Variants in RCAN2 observed in about 807,000 individuals in gnomAD.
RCAN2 encodes the protein regulator of calcineurin 2, also known as calcipressin-2.
RCAN2 carries 9 observed loss-of-function variants against 23.6 expected under a neutral mutation model. The observed-to-expected ratio is 0.38, with a 90% CI of 0.23 to 0.67. The LOEUF (loss-of-function observed/expected upper bound fraction) is 0.67, where lower values mean the gene tolerates loss of function less well. Among genes scored for constraint, RCAN2 ranks in the 30% least tolerant of loss-of-function variants. RCAN2 has a pLI of 0.51. For missense variants in RCAN2, 273 were observed against 302.3 expected (o/e 0.90, Z 0.72); for synonymous variants, 109 against 115.7 (o/e 0.94, Z 0.37).
At chr6:46,477,419 G>C (rs1405893913) in intron 1 of RCAN2, among the ~76,000 whole-genome samples, 2 of 152,160 alleles carry the variant, frequency 1.3e-5, no homozygotes, top group African/African-American at 4.8e-5. Context: ...CACAGATGTT[G>C]TGTGCTGATG....
At chr6:46,487,645 T>C (rs1327827115) in intron 1 of RCAN2, among the ~76,000 whole-genome samples, 1 of 152,176 alleles carries the variant, frequency 6.6e-6, no homozygotes, top group Non-Finnish European at 1.5e-5. Flanking sequence ...TAAAGCAACA[T>C]GTCTAAAGAA....
At chr6:46,398,456 G>T (rs1252182830) in intron 2 of RCAN2, among the ~76,000 whole-genome samples, 1 of 152,072 alleles carries the variant, frequency 6.6e-6, no homozygotes, top group African/African-American at 2.4e-5. Context: ...TTTTGATGTA[G>T]TGTTTTCATT....
At chr6:46,465,115 C>T (rs892067558) in intron 1 of RCAN2, among the ~76,000 whole-genome samples, 6 of 152,058 alleles carry the variant, frequency 3.9e-5, no homozygotes, top group African/African-American at 1.4e-4. Flanking sequence ...ATTCCATTCC[C>T]ACAAACCTAA....
intron 2 of RCAN2, among the ~76,000 whole-genome samples, chr6:46,337,560 C>A (rs1467411402): frequency 2.6e-5 from 4 of 152,188 alleles, no homozygotes; most frequent in African/African-American, 4.8e-5. Flanking sequence ...AACATCTAAT[C>A]TTCTCACCAA....
intron 2 of RCAN2, among the ~76,000 whole-genome samples, chr6:46,417,755 G>T (rs570556408): frequency 6.6e-6 from 1 of 152,124 alleles, no homozygotes; most frequent in African/African-American, 2.4e-5. Context: ...GAACTAAAAC[G>T]CTGTCTTAAG....
intron 3 of RCAN2, among the ~76,000 whole-genome samples, chr6:46,248,151 T>A (rs946144664): frequency 1.3e-5 from 2 of 152,206 alleles, no homozygotes; most frequent in African/African-American, 4.8e-5. Context: ...TGCTGTGAAC[T>A]TCATAAGCAT....
chr6:46,283,864 C>T (rs557114912), intron 2 of RCAN2, among the ~76,000 whole-genome samples: 7 of 152,284 alleles, frequency 4.6e-5, no homozygotes, highest in South Asian at 4.1e-4. Flanking sequence ...GAGCTTTCCT[C>T]GTGGTAGAAG....
rs539485818 is a variant in RCAN2, at chr6:46,225,439, C to A, written c.572-2138G>T. ...TCCTATTTCTCCACATCCTCTCCAG[C>A]ACCTGTTGTTTCCTGACTTTTTAAT... On this transcript the variant is annotated intron_variant, in intron 4 of 4. Coordinates refer to ENST00000371374, the MANE Select transcript of RCAN2 (RefSeq NM_001251974.2). 2.3e-3 allele frequency among the ~76,000 whole-genome samples: 348 copies of A among 152,350 alleles called. 2 individuals carry two copies. The highest frequency in any genetic ancestry group is 7.3e-3 in the African/African-American group (303 of 41,574).
intron 1 of RCAN2, among the ~76,000 whole-genome samples, chr6:46,463,643 C>T (rs1371595627): frequency 6.6e-6 from 1 of 152,134 alleles, no homozygotes; most frequent in Non-Finnish European, 1.5e-5. Flanking sequence ...ATTAAACATA[C>T]TCAAGAAAGG....
chr6:46,277,306 C>T (rs763641753), intron 2 of RCAN2, among the ~76,000 whole-genome samples: 2 of 152,122 alleles, frequency 1.3e-5, no homozygotes, highest in South Asian at 2.1e-4. Flanking sequence ...GGTAAAATAC[C>T]ATTCTTGGTA....
intron 2 of RCAN2, among the ~76,000 whole-genome samples, chr6:46,275,153 T>A (rs1370151783): frequency 6.6e-6 from 1 of 151,982 alleles, no homozygotes; most frequent in South Asian, 2.1e-4. Context: ...AGTACAGTGG[T>A]GCAATCATCA....
chr6:46,243,060 G>A (rs917295307), intron 4 of RCAN2, among the ~76,000 whole-genome samples: 1 of 152,186 alleles, frequency 6.6e-6, no homozygotes, highest in East Asian at 1.9e-4. Flanking sequence ...GTGACAGGAG[G>A]AGACTGAAGG....
At chr6:46,477,365 T>C (rs1332069405) in intron 1 of RCAN2, among the ~76,000 whole-genome samples, 1 of 152,118 alleles carries the variant, frequency 6.6e-6, no homozygotes, top group Non-Finnish European at 1.5e-5. Flanking sequence ...GAGTCTAACA[T>C]TTTTGGGTAA....
intron 4 of RCAN2, among the ~76,000 whole-genome samples, chr6:46,241,780 C>A (rs1766315482): frequency 6.6e-6 from 1 of 152,122 alleles, no homozygotes; most frequent in Admixed American, 6.6e-5. Context: ...CCTCACATTC[C>A]CCAGCTGTAT....
chr6:46,422,042 G>C (rs1418069185), intron 2 of RCAN2, among the ~76,000 whole-genome samples: 1 of 152,168 alleles, frequency 6.6e-6, no homozygotes, highest in Non-Finnish European at 1.5e-5. Flanking sequence ...TGGTTTGTTT[G>C]ACTCTTCCAA....
intron 2 of RCAN2, 53 bp downstream of exon 2, chr6:46,456,699 T>G (rs2150432628): frequency 1.6e-6 from 2 of 1,257,792 alleles, no homozygotes; most frequent in East Asian, 5.1e-5. Flanking sequence ...CAGGATTACT[T>G]GGAGATAATG....
intron 2 of RCAN2, among the ~76,000 whole-genome samples, chr6:46,283,450 G>GA (rs1207537321): frequency 2.0e-5 from 3 of 151,676 alleles, no homozygotes; most frequent in Non-Finnish European, 2.9e-5. Context: ...CTCTAATTAA[G>GA]AAAAAAAATC....
intron 2 of RCAN2, among the ~76,000 whole-genome samples, chr6:46,407,181 C>G (rs752655724): frequency 2.0e-5 from 3 of 152,272 alleles, no homozygotes; most frequent in Non-Finnish European, 4.4e-5. Context: ...GGAGAAGCAC[C>G]ACAGGAGATA....
chr6:46,484,171 T>C (rs948152215), intron 1 of RCAN2, among the ~76,000 whole-genome samples: 3 of 152,226 alleles, frequency 2.0e-5, no homozygotes, highest in East Asian at 1.9e-4. Flanking sequence ...ATAATTCAAA[T>C]TGGCTGTTTA....
Sources: allele counts gnomAD v4.1 joint callset (sites outside exome capture counted in the v4.1 genomes callset), GRCh38; gene constraint gnomAD v4.1.1; transcripts MANE v1.5; gene names NCBI Gene and HGNC (gene_info 2026-07-23, HGNC 2026-07-21).